The following PAM variants were observed in gnomAD, a reference collection of about 807,000 sequenced individuals.
PAM encodes the protein peptidylglycine alpha-amidating monooxygenase.
In PAM, 72 loss-of-function variants were observed where a neutral mutation model predicts 122.1. That is an observed-to-expected ratio of 0.59 (90% CI 0.49 to 0.72). The LOEUF is 0.72. Ranked by LOEUF, PAM falls within the 30% of genes least tolerant of loss-of-function variation. PAM has a pLI of 0.00. For missense variants in PAM, 1,106 were observed against 1,183.7 expected (o/e 0.93, Z 0.96); for synonymous variants, 389 against 404.4 (o/e 0.96, Z 0.46).
At chr5:102,788,159 C>A (rs1364881374) in intron 1 of PAM, among the ~76,000 whole-genome samples, 3 of 152,014 alleles carry the variant, frequency 2.0e-5, no homozygotes, top group African/African-American at 7.2e-5. Flanking sequence ...ATGAGCAGAT[C>A]TGAAGTAATT....
At chr5:102,830,541 C>T (rs1431089529) in intron 1 of PAM, among the ~76,000 whole-genome samples, 1 of 152,198 alleles carries the variant, frequency 6.6e-6, no homozygotes, top group East Asian at 1.9e-4. Flanking sequence ...ACCCTCAGCT[C>T]AGTTCCTTTA....
At chr5:102,984,670 C>T (rs1771131443) in intron 15 of PAM, among the ~76,000 whole-genome samples, 1 of 152,208 alleles carries the variant, frequency 6.6e-6, no homozygotes, top group South Asian at 2.1e-4. Flanking sequence ...TTGTCAGCAT[C>T]GGACAGATCA....
At chr5:102,863,140 T>C (rs995543820) in intron 1 of PAM, among the ~76,000 whole-genome samples, 1 of 151,834 alleles carries the variant, frequency 6.6e-6, no homozygotes, top group Non-Finnish European at 1.5e-5. Context: ...GTATAGGTTA[T>C]AAATCATTCT....
intron 1 of PAM, among the ~76,000 whole-genome samples, chr5:102,827,017 CTAAGTA>C (rs1773856302): frequency 6.6e-6 from 1 of 152,086 alleles, no homozygotes; most frequent in African/African-American, 2.4e-5. Context: ...TATTTTCTGT[CTAAGTA>C]TATTTGTTGA....
At chr5:103,028,497 A>G (rs1474618683) in intron 25 of PAM, among the ~76,000 whole-genome samples, 1 of 152,042 alleles carries the variant, frequency 6.6e-6, no homozygotes, top group Non-Finnish European at 1.5e-5. Context: ...ACCTGGCTTC[A>G]TTTGTCTTCA....
At chr5:102,838,469 T>C (rs1412262555) in intron 1 of PAM, 1 of 152,150 alleles carries the variant, frequency 6.6e-6, no homozygotes, top group Non-Finnish European at 1.5e-5. Flanking sequence ...AGGAAAGATT[T>C]GAAGATTATT....
intron 1 of PAM, among the ~76,000 whole-genome samples, chr5:102,798,199 A>G (rs558739624): frequency 2.0e-5 from 3 of 152,202 alleles, no homozygotes; most frequent in African/African-American, 7.2e-5. Flanking sequence ...TGAGATAAAG[A>G]TGTGCATTGC....
At chr5:102,952,169 TG>T (rs35886697) in intron 12 of PAM, among the ~76,000 whole-genome samples, 42,516 of 151,842 alleles carry the variant, frequency 0.28, 6,294 homozygotes, top group East Asian at 0.43. Flanking sequence ...GTTTTAAGTG[TG>T]GGAAAAAAAC....
At chr5:102,987,375 C>A in intron 15 of PAM, 1 of 315,590 alleles carries the variant, frequency 3.2e-6, no homozygotes, top group Non-Finnish European at 6.2e-6. Context: ...ATGATAGTTA[C>A]CAGAGCCTGG....
intron 8 of PAM, among the ~76,000 whole-genome samples, chr5:102,947,296 A>G (rs1757369211): frequency 6.6e-6 from 1 of 152,206 alleles, no homozygotes; most frequent in African/African-American, 2.4e-5. Flanking sequence ...AAGTAAGCAA[A>G]AAAAGGAAGA....
chr5:103,030,322 A>G (rs1786077316), downstream of PAM: 1 of 152,272 alleles, frequency 6.6e-6, no homozygotes, highest in Non-Finnish European at 1.5e-5. Flanking sequence ...ATTGCAGATT[A>G]GTTTTAAAAC....
chr5:102,834,389 T>G (rs1234075268), intron 1 of PAM, among the ~76,000 whole-genome samples: 1 of 152,218 alleles, frequency 6.6e-6, no homozygotes, highest in Non-Finnish European at 1.5e-5. Context: ...GGCACTGTGC[T>G]AGGTACTGGT....
chr5:102,960,024 A>G lies in PAM; in HGVS notation c.1055A>G (p.Lys352Arg). 1 of 1,610,340 alleles carries G rather than the reference A, an allele frequency of 6.2e-7. No homozygotes were observed. Among genetic ancestry groups the G allele is most frequent in the Non-Finnish European group, 8.5e-7 (1 of 1,176,850 alleles). ...GAGGCCAACATTCCAATTCCCGTGA[A>G]GTCTGATATGGTTATGATGCATGAA... ...PPEANIPIPV[K>R]SDMVMMHEHH... is the part of the protein sequence containing the mutation. Residue 352 changes from lysine to arginine, a missense_variant, in exon 13 of 26, where the codon AAG becomes AGG. Around this residue, in one of 3 missense-constraint regions of PAM, gnomAD observed 670 missense variants for 690.3 expected, o/e 0.97. Transcript: ENST00000438793.
intron 1 of PAM, among the ~76,000 whole-genome samples, chr5:102,852,528 A>T (rs756825787): frequency 1.3e-5 from 2 of 152,132 alleles, no homozygotes; most frequent in Non-Finnish European, 2.9e-5. Context: ...TGTTTGCTTT[A>T]TCCAGAGTTT....
chr5:102,887,787 A>G (rs1581352053), intron 3 of PAM, among the ~76,000 whole-genome samples: 1 of 151,622 alleles, frequency 6.6e-6, no homozygotes, highest in African/African-American at 2.4e-5. Flanking sequence ...ATTTCCTCTC[A>G]AGTCTGTGCC....
chr5:102,889,168 C>T (rs1029398774), intron 3 of PAM, among the ~76,000 whole-genome samples: 13 of 151,942 alleles, frequency 8.6e-5, no homozygotes, highest in African/African-American at 3.1e-4. Flanking sequence ...GCTCCACGCT[C>T]CAGGAGGCTG....
At chr5:102,839,470 G>A (rs1157350425) in intron 1 of PAM, among the ~76,000 whole-genome samples, 1 of 150,948 alleles carries the variant, frequency 6.6e-6, no homozygotes, top group Non-Finnish European at 1.5e-5. Context: ...CCGGGAGGTG[G>A]AGGTTGCAGT....
At chr5:102,883,451 A>C (rs1313638695) in intron 3 of PAM, among the ~76,000 whole-genome samples, 1 of 151,854 alleles carries the variant, frequency 6.6e-6, no homozygotes, top group Non-Finnish European at 1.5e-5. Context: ...ATATATTCCT[A>C]AGTATTTTAT....
intron 1 of PAM, among the ~76,000 whole-genome samples, chr5:102,775,487 T>C (rs2088472766): frequency 6.6e-6 from 1 of 152,036 alleles, no homozygotes; most frequent in African/African-American, 2.4e-5. Context: ...CCTGATGCTC[T>C]CCCTCCCCAC....
Sources: gnomAD v4.1 joint callset for allele counts (sites outside exome capture counted in the v4.1 genomes callset) on GRCh38, gnomAD v4.1.1 for gene constraint, gnomAD v4.1.1 regional missense constraint, MANE v1.5 for transcripts, NCBI Gene and HGNC (gene_info 2026-07-23, HGNC 2026-07-21) for gene names.